The following XRRA1 variants were observed in gnomAD, a reference collection of about 807,000 sequenced individuals.
XRRA1 encodes X-ray radiation resistance-associated protein 1.
Under a neutral mutation model 80.2 loss-of-function variants are expected in XRRA1, and 69 were observed. The observed-to-expected ratio is 0.86, with a 90% CI of 0.71 to 1.05. The LOEUF is 1.05. Among genes scored for constraint, XRRA1 ranks in the 50% least tolerant of loss-of-function variants. The pLI is 0.00. For synonymous variants in XRRA1, 348 were observed against 389.9 expected, an observed-to-expected ratio of 0.89 and a Z score of 1.27; for missense variants, 967 against 976.4, an observed-to-expected ratio of 0.99 and a Z score of 0.13.
chr11:74,851,239 C>T lies in XRRA1; in HGVS notation c.1265-36G>A, dbSNP rs947510003. On this transcript the variant is annotated intron_variant, in intron 13 of 18. Transcript: ENST00000684022. ...GATGGGAAAATAAGATTACTATTAG[C>T]TAAAATTTATACTGGGGCTTACTAT... The T allele has an allele frequency of 2.0e-6, 3 of 1,522,496 alleles. No homozygotes were observed. In the African/African-American group the frequency reaches 4.2e-5, roughly 21 times the overall value. 94.3% of individuals were successfully genotyped at this position (1,522,496 alleles called of 1,614,324 possible).
At chr11:74,920,146 G>C (rs1029160011) in intron 8 of XRRA1, 1 of 154,406 alleles carries the variant, frequency 6.5e-6, no homozygotes, top group African/African-American at 2.4e-5. Flanking sequence ...ACAACATCCT[G>C]TGCGCCTATA....
chr11:74,939,151 AGACCAGTCT>A (rs1945756702), intron 3 of XRRA1, among the ~76,000 whole-genome samples: 1 of 152,186 alleles, frequency 6.6e-6, no homozygotes, highest in South Asian at 2.1e-4. Flanking sequence ...CAGGAGTTCG[AGACCAGTCT>A]GGCCATCATG....
chr11:74,889,010 C>T (rs376840610), intron 10 of XRRA1, among the ~76,000 whole-genome samples: 1 of 152,160 alleles, frequency 6.6e-6, no homozygotes, highest in African/African-American at 2.4e-5. Flanking sequence ...ACTTCCCCAA[C>T]CTAGCAAGGC....
intron 10 of XRRA1, among the ~76,000 whole-genome samples, chr11:74,866,080 A>G (rs112369120): frequency 5.1e-4 from 78 of 152,350 alleles, no homozygotes; most frequent in African/African-American, 1.9e-3. Context: ...TAATATTTCA[A>G]GGCACGGATA....
intron 10 of XRRA1, among the ~76,000 whole-genome samples, chr11:74,874,935 G>A (rs893665718): frequency 6.6e-6 from 1 of 152,166 alleles, no homozygotes; most frequent in East Asian, 1.9e-4. Context: ...CATTGAAAGT[G>A]CACCCCTCTC....
chr11:74,869,485 G>T (rs1413764989), intron 10 of XRRA1, among the ~76,000 whole-genome samples: 1 of 152,170 alleles, frequency 6.6e-6, no homozygotes, highest in African/African-American at 2.4e-5. Context: ...TTGCATGGGG[G>T]AATGCCAGCA....
chr11:74,880,973 T>G (rs1290074717), intron 10 of XRRA1, among the ~76,000 whole-genome samples: 2 of 147,766 alleles, frequency 1.4e-5, no homozygotes, highest in Non-Finnish European at 3.0e-5. Flanking sequence ...AGATGTCTAT[T>G]AGGTCCGCTT....
intron 1 of XRRA1, among the ~76,000 whole-genome samples, chr11:74,947,425 C>T (rs1947811961): frequency 6.6e-6 from 1 of 152,108 alleles, no homozygotes; most frequent in Non-Finnish European, 1.5e-5. Flanking sequence ...ACAAAGACTA[C>T]AGCTTGGGAG....
In XRRA1 at chr11:74,845,211, G is replaced by A. The variant is rs1431113168; in HGVS notation, c.1789C>T (p.Gln597Ter). ...KDDLELKEKD[Q>*]KKPPTAPREV... is the part of the protein sequence containing the mutation. Reference sequence around the variant, plus strand: ...CTGGGTGCCGTTGGTGGTTTCTTTTGGTCTTTCTCCTTTAACTCTAAATCA... The same window carrying A: ...CTGGGTGCCGTTGGTGGTTTCTTTTAGTCTTTCTCCTTTAACTCTAAATCA... The change falls in exon 16 of 19, where the codon CAA becomes TAA. Residue 597 changes from glutamine (Q) to a stop codon, truncating the protein, a stop_gained. Coordinates refer to ENST00000684022, the MANE Select transcript of XRRA1 (RefSeq NM_001378157.1). LOFTEE classifies it high-confidence loss of function. 5 of 1,613,874 alleles carry A rather than the reference G, an allele frequency of 3.1e-6. No individual in the cohort carries two copies. The highest frequency in any genetic ancestry group is 1.7e-5 in the Admixed American group (1 of 60,012).
intron 10 of XRRA1, among the ~76,000 whole-genome samples, chr11:74,867,157 C>T (rs2043633889): frequency 6.6e-6 from 1 of 152,154 alleles, no homozygotes; most frequent in African/African-American, 2.4e-5. Flanking sequence ...GACAAGAACT[C>T]TGGCAAATCA....
chr11:74,936,289 G>A (rs1944967507), intron 4 of XRRA1, among the ~76,000 whole-genome samples: 1 of 152,192 alleles, frequency 6.6e-6, no homozygotes, highest in African/African-American at 2.4e-5. Flanking sequence ...CCTGCCCCCG[G>A]CACTAAGTAA....
intron 12 of XRRA1, among the ~76,000 whole-genome samples, chr11:74,853,480 T>C (rs1000796648): frequency 6.8e-4 from 103 of 152,164 alleles, no homozygotes; most frequent in African/African-American, 2.3e-3. Flanking sequence ...CTGTACCTCT[T>C]CTACTTTCTT....
chr11:74,927,539 G>C, intron 6 of XRRA1, 51 bp from the exon 7 acceptor site: 1 of 1,252,464 alleles, frequency 8.0e-7, no homozygotes, highest in Non-Finnish European at 1.2e-6. Context: ...GGACTTAAGA[G>C]AAAGATATTA....
intron 10 of XRRA1, among the ~76,000 whole-genome samples, chr11:74,900,021 C>T (rs1182520348): frequency 1.3e-5 from 2 of 151,824 alleles, no homozygotes; most frequent in Non-Finnish European, 2.9e-5. Flanking sequence ...AAAAATTAGC[C>T]AGGCGTGGTG....
At chr11:74,852,759 A>G (rs544397491) in intron 12 of XRRA1, among the ~76,000 whole-genome samples, 58 of 152,374 alleles carry the variant, frequency 3.8e-4, no homozygotes, top group African/African-American at 1.4e-3. Context: ...TGTTGAGCAG[A>G]CTGCCTGGAA....
At chr11:74,924,495 G>T (rs1356952590) in intron 7 of XRRA1, among the ~76,000 whole-genome samples, 1 of 150,468 alleles carries the variant, frequency 6.6e-6, no homozygotes, top group Non-Finnish European at 1.5e-5. Context: ...AAAAGAATAA[G>T]AGTGTGTTTC....
chr11:74,927,283 G>T, intron 7 of XRRA1, 108 bp downstream of exon 7: 1 of 381,396 alleles, frequency 2.6e-6, no homozygotes. Context: ...GGGCCTGGCT[G>T]TACAGGCCCA....
At chr11:74,948,635 C>A (rs1948142934) in intron 1 of XRRA1, among the ~76,000 whole-genome samples, 1 of 152,044 alleles carries the variant, frequency 6.6e-6, no homozygotes, top group Non-Finnish European at 1.5e-5. Context: ...TGGGTAGGTT[C>A]TTTAGTTTCC....
intron 10 of XRRA1, among the ~76,000 whole-genome samples, chr11:74,895,299 G>A (rs953642641): frequency 2.0e-5 from 3 of 152,194 alleles, no homozygotes; most frequent in Non-Finnish European, 2.9e-5. Flanking sequence ...ATTGAACTCC[G>A]TGCTGCCCTG....
Sources: allele counts gnomAD v4.1 joint callset (sites outside exome capture counted in the v4.1 genomes callset), GRCh38; gene constraint gnomAD v4.1.1; transcripts MANE v1.5; gene names NCBI Gene and HGNC (gene_info 2026-07-23, HGNC 2026-07-21).